Variants in LUZP1 observed in about 807,000 individuals in gnomAD.
LUZP1 encodes the protein filamin mechanobinding actin cross-linking protein.
A neutral mutation model predicts 71.3 loss-of-function variants in LUZP1; 25 were observed. That is an observed-to-expected ratio of 0.35 (90% confidence interval 0.26 to 0.49). The LOEUF is 0.49. LUZP1 is among the 20% of genes least tolerant of loss of function. The pLI, the probability that LUZP1 is intolerant of heterozygous loss-of-function variation, is 0.99. For missense variants in LUZP1, 1,142 were observed against 1,300.8 expected (o/e 0.88, Z 1.88); for synonymous variants, 481 against 506.4 (o/e 0.95, Z 0.67).
exon 4 of LUZP1, chr1:23,091,881 C>G (rs887326975): frequency 6.2e-7 from 1 of 1,614,190 alleles, no homozygotes; most frequent in Non-Finnish European, 8.5e-7. Context: ...AGTAATGCTA[C>G]TTGTCACTTT....
chr1:23,119,789 A>C (rs1015520536), intron 2 of LUZP1, among the ~76,000 whole-genome samples: 11 of 152,226 alleles, frequency 7.2e-5, no homozygotes, highest in Admixed American at 6.5e-5. Context: ...ATAAGTGCCT[A>C]TACTTACGAA....
exon 4 of LUZP1, chr1:23,091,255 G>C (rs1035046937): frequency 6.2e-7 from 1 of 1,613,984 alleles, no homozygotes; most frequent in Non-Finnish European, 8.5e-7. Context: ...CGACGGGTAA[G>C]CACCTCTGAC....
intron 1 of LUZP1, among the ~76,000 whole-genome samples, chr1:23,172,053 ATAC>A (rs1481364069): frequency 6.6e-6 from 1 of 152,196 alleles, no homozygotes; most frequent in African/African-American, 2.4e-5. Context: ...GGAAATAATA[ATAC>A]TACCTTTCTC....
exon 5 of LUZP1, chr1:23,084,549 AC>A (rs1361783072): frequency 1.3e-5 from 2 of 152,148 alleles, no homozygotes; most frequent in Non-Finnish European, 2.9e-5. Context: ...GATGATAAAA[AC>A]ATGTTACATG....
At chr1:23,091,727 G>A in exon 4 of LUZP1, 1 of 1,614,052 alleles carries the variant, frequency 6.2e-7, no homozygotes, top group South Asian at 1.1e-5. Context: ...GTTTGTGAAT[G>A]GAGAGCTCAA....
chr1:23,090,501 G>T (rs2124585000), intron 4 of LUZP1: 1 of 211,506 alleles, frequency 4.7e-6, no homozygotes, highest in Non-Finnish European at 9.4e-6. Flanking sequence ...TCCAGATGCT[G>T]TTCTGACACC....
intron 2 of LUZP1, among the ~76,000 whole-genome samples, chr1:23,119,929 T>C (rs188708748): frequency 6.6e-6 from 1 of 152,156 alleles, no homozygotes; most frequent in East Asian, 1.9e-4. Flanking sequence ...GTCCAGGTTT[T>C]GTTTTTTGTT....
intron 1 of LUZP1, among the ~76,000 whole-genome samples, chr1:23,173,298 T>G (rs940932881): frequency 7.7e-5 from 8 of 103,672 alleles, no homozygotes; most frequent in Non-Finnish European, 1.3e-4. Flanking sequence ...GAACCTTCAG[T>G]TTTTTTTCTT....
rs1644164527 is a variant in LUZP1, at chr1:23,125,409, CAT to C, written c.-225-16284_-225-16283del. Among the ~76,000 whole-genome samples, 12 of 152,236 alleles carry C rather than the reference CAT, an allele frequency of 7.9e-5. No individual in the cohort carries two copies. The South Asian group carries it at 2.5e-3, about 32-fold the overall frequency. Reference sequence around the variant, plus strand: ...TTTAGTGTCTTACTATGAAGTAAATCATATACTTTCTCAATATCCTATTCTCT... The same window carrying C: ...TTTAGTGTCTTACTATGAAGTAAATCATACTTTCTCAATATCCTATTCTCT... On this transcript the variant is annotated intron_variant, in intron 2 of 4. Coordinates refer to ENST00000302291, the Ensembl canonical transcript of LUZP1.
chr1:23,154,913 T>C (rs1644410970), intron 2 of LUZP1, among the ~76,000 whole-genome samples: 1 of 152,040 alleles, frequency 6.6e-6, no homozygotes, highest in Non-Finnish European at 1.5e-5. Flanking sequence ...TGTCCTCCCA[T>C]CTATTTTTCC....
At chr1:23,084,512 A>G (rs1643729220) in exon 5 of LUZP1, 2 of 152,170 alleles carry the variant, frequency 1.3e-5, no homozygotes, top group African/African-American at 4.8e-5. Flanking sequence ...CAGCATCCTT[A>G]TCTGCAAAGT....
chr1:23,093,443 G>C lies in LUZP1; in HGVS notation c.819C>G (p.Asn273Lys), dbSNP rs746368166. Residue 273 changes from asparagine to lysine, a missense_variant, in exon 4 of 5, where the codon AAC becomes AAG. Asn to Lys is a moderately conservative substitution (Grantham distance 94). Coordinates refer to ENST00000302291, the Ensembl canonical transcript of LUZP1. This position sits in a 1 kb window ranked among gnomAD's most constrained non-coding sequence, Gnocchi z 4.2. ...TGCGGTTCTTTTCATTTTCTGATTTGTTTCTTGTTTCATTCTCTACCTGCT... is the reference window on the plus strand; with the variant it reads ...TGCGGTTCTTTTCATTTTCTGATTTCTTTCTTGTTTCATTCTCTACCTGCT... The C allele has an allele frequency of 6.2e-7, 1 of 1,613,220 alleles. No homozygotes were observed. The highest frequency in any genetic ancestry group is 1.1e-5 in the South Asian group (1 of 90,748).
chr1:23,101,894 C>G (rs1174269505), intron 3 of LUZP1, among the ~76,000 whole-genome samples: 2 of 152,040 alleles, frequency 1.3e-5, no homozygotes, highest in African/African-American at 4.8e-5. Flanking sequence ...AGCATTTTGC[C>G]AAGATAAGTA....
At chr1:23,154,254 T>C (rs1644404717) in intron 2 of LUZP1, among the ~76,000 whole-genome samples, 1 of 152,118 alleles carries the variant, frequency 6.6e-6, no homozygotes, top group African/African-American at 2.4e-5. Flanking sequence ...TGGTGGTTGT[T>C]GGACAGTATA....
chr1:23,146,293 G>C (rs957716157), intron 2 of LUZP1, among the ~76,000 whole-genome samples: 8 of 152,178 alleles, frequency 5.3e-5, no homozygotes, highest in Non-Finnish European at 1.2e-4. Flanking sequence ...TGGGATTACA[G>C]GCGTGAGCCA....
chr1:23,124,932 T>C (rs1644159608), intron 2 of LUZP1, among the ~76,000 whole-genome samples: 1 of 152,148 alleles, frequency 6.6e-6, no homozygotes, highest in Non-Finnish European at 1.5e-5. Flanking sequence ...ACAGGAGCCA[T>C]GACAGTAAAA....
At chr1:23,114,879 A>G (rs904850670) in intron 2 of LUZP1, among the ~76,000 whole-genome samples, 3 of 152,234 alleles carry the variant, frequency 2.0e-5, no homozygotes, top group Non-Finnish European at 4.4e-5. Context: ...CATCAGTCAA[A>G]CAAAAAGGCC....
chr1:23,130,032 C>G (rs977339149), intron 2 of LUZP1, among the ~76,000 whole-genome samples: 5 of 152,156 alleles, frequency 3.3e-5, no homozygotes, highest in African/African-American at 9.7e-5. Flanking sequence ...TCACTCAAAG[C>G]CCTGGCAAGC....
intron 1 of LUZP1, among the ~76,000 whole-genome samples, chr1:23,172,827 ATTTATT>A (rs1235366058): frequency 4.0e-5 from 6 of 149,678 alleles, no homozygotes; most frequent in Non-Finnish European, 7.4e-5. Context: ...AATTTTATTT[ATTTATT>A]TTTATTTTTA....
Sources: allele counts gnomAD v4.1 joint callset (sites outside exome capture counted in the v4.1 genomes callset), GRCh38; gene constraint gnomAD v4.1.1; non-coding constraint Gnocchi (gnomAD v3.1); transcripts MANE v1.5; gene names NCBI Gene and HGNC (gene_info 2026-07-23, HGNC 2026-07-21).